The following PARD3B variants were observed in gnomAD, a reference collection of about 807,000 sequenced individuals.
The protein encoded by PARD3B is partitioning defective 3 homolog B.
PARD3B carries 103 observed loss-of-function variants against 130.2 expected under a neutral mutation model. The observed-to-expected ratio is 0.79, with a 90% CI of 0.67 to 0.93. The LOEUF (loss-of-function observed/expected upper bound fraction) is 0.93, where lower values mean the gene tolerates loss of function less well. PARD3B is among the 40% of genes least tolerant of loss of function. PARD3B has a pLI of 0.00. For missense variants in PARD3B, 1,609 were observed against 1,499.2 expected (o/e 1.07, Z -1.21); for synonymous variants, 583 against 553.2 (o/e 1.05, Z -0.76).
At chr2:205,533,977 C>T (rs2051721491) in intron 21 of PARD3B, among the ~76,000 whole-genome samples, 1 of 150,810 alleles carries the variant, frequency 6.6e-6, no homozygotes, top group Non-Finnish European at 1.5e-5. Flanking sequence ...TTTACAAAGA[C>T]TTCCCATTCT....
intron 21 of PARD3B, among the ~76,000 whole-genome samples, chr2:205,501,695 A>G (rs778137142): frequency 2.0e-4 from 30 of 152,344 alleles, no homozygotes; most frequent in Middle Eastern, 3.4e-3. Context: ...TAGACAAAGT[A>G]GTCCTGGTTG....
chr2:204,771,383 C>G (rs1017946958), intron 2 of PARD3B, among the ~76,000 whole-genome samples: 4 of 151,914 alleles, frequency 2.6e-5, no homozygotes, highest in Non-Finnish European at 5.9e-5. Context: ...TTTCAGGGAG[C>G]CTTGGTCCTT....
In PARD3B at chr2:204,766,807, C is replaced by CAAAAA. The variant is rs57504030; in HGVS notation, c.222+80533_222+80537dup. 2.8e-3 allele frequency among the ~76,000 whole-genome samples: 403 copies of CAAAAA among 141,820 alleles called. 2 individuals carry two copies. Among genetic ancestry groups the CAAAAA allele is most frequent in the African/African-American group, 0.011 (395 of 37,608 alleles). 93.0% of individuals were successfully genotyped at this position (141,820 alleles called of 152,430 possible). On this transcript the variant is annotated intron_variant, in intron 2 of 22. Transcript: ENST00000406610. ...AGTTGAAATATGCCCTTTTGTAAAT[C>CAAAAA]AAAAAAAAAAAACAAAAGCAAACAT...
In PARD3B at chr2:205,401,038, G is replaced by C; in HGVS notation, c.2656G>C (p.Gly886Arg). The change falls in exon 19 of 23, where the codon GGT becomes CGT. Residue 886 changes from glycine to arginine, a missense_variant. Coordinates refer to ENST00000406610, the MANE Select transcript of PARD3B (RefSeq NM_001302769.2). ...LRFGKKKEDK[G>R]GKAEQKGTLK... ...ATTTGGAAAGAAGAAAGAGGATAAG[G>C]GTGGAAAGGCTGAGCAGAAAGGTAC... The C allele has an allele frequency of 6.2e-7, 1 of 1,601,484 alleles. No individual in the cohort carries two copies. Among genetic ancestry groups the C allele is most frequent in the Non-Finnish European group, 8.5e-7 (1 of 1,173,908 alleles).
chr2:205,365,606 C>G (rs1319389219), intron 18 of PARD3B, among the ~76,000 whole-genome samples: 1 of 122,860 alleles, frequency 8.1e-6, no homozygotes, highest in African/African-American at 3.1e-5. Context: ...AGATTATTTA[C>G]AAAGAAAAAC....
chr2:205,191,310 A>C (rs1418820322), intron 14 of PARD3B, among the ~76,000 whole-genome samples: 2 of 152,198 alleles, frequency 1.3e-5, no homozygotes, highest in Admixed American at 6.5e-5. Flanking sequence ...TCTTACAAAA[A>C]TTTTAAAGAG....
chr2:205,256,112 A>G (rs1356148718), intron 16 of PARD3B, among the ~76,000 whole-genome samples: 1 of 152,096 alleles, frequency 6.6e-6, no homozygotes, highest in African/African-American at 2.4e-5. Flanking sequence ...GCTGAGTGTC[A>G]GGAAATGAGA....
chr2:204,964,522 A>G (rs1009138041), intron 2 of PARD3B, among the ~76,000 whole-genome samples: 2 of 152,234 alleles, frequency 1.3e-5, no homozygotes, highest in Non-Finnish European at 2.9e-5. Context: ...TTAGCATTCC[A>G]TTGGACTTAA....
intron 1 of PARD3B, among the ~76,000 whole-genome samples, chr2:204,641,081 CTATAT>C (rs1299853339): frequency 2.7e-5 from 4 of 147,228 alleles, no homozygotes; most frequent in Non-Finnish European, 4.5e-5. Flanking sequence ...TTGTATATTA[CTATAT>C]TATATGTACA....
intron 1 of PARD3B, among the ~76,000 whole-genome samples, chr2:204,596,657 G>A (rs899683100): frequency 1.3e-5 from 2 of 152,228 alleles, no homozygotes; most frequent in Admixed American, 6.5e-5. Context: ...GGCCAGGCGC[G>A]GTGGCTCATG....
intron 20 of PARD3B, among the ~76,000 whole-genome samples, chr2:205,444,281 C>A (rs1487873186): frequency 1.3e-5 from 2 of 152,140 alleles, no homozygotes; most frequent in Non-Finnish European, 2.9e-5. Context: ...CCATACCCGG[C>A]CTCTACAAAA....
chr2:205,439,574 G>C (rs2047640070), intron 19 of PARD3B, among the ~76,000 whole-genome samples: 1 of 152,188 alleles, frequency 6.6e-6, no homozygotes, highest in Non-Finnish European at 1.5e-5. Flanking sequence ...ATCCACCTAA[G>C]TATATTTTTC....
rs2052569001 is a variant in PARD3B, at chr2:205,550,490, C to A, written c.3181-2834C>A. ...GACAGAATAATTTCTTATGTGCAAG[C>A]TTGCTGCCTATCTTTTGAAGACTGG... On this transcript the variant is annotated intron_variant, in intron 21 of 22. Transcript: ENST00000406610. The surrounding 1 kb of genome is among the most constrained non-coding windows in gnomAD (Gnocchi z 4.5). Among the ~76,000 whole-genome samples the A allele has an allele frequency of 6.6e-6, 1 of 152,264 alleles. No individual in the cohort carries two copies. Among genetic ancestry groups the A allele is most frequent in the Middle Eastern group, 3.4e-3 (1 of 294 alleles).
chr2:205,406,762 C>T (rs568184491), intron 19 of PARD3B, among the ~76,000 whole-genome samples: 302 of 150,992 alleles, frequency 2.0e-3, no homozygotes, highest in Middle Eastern at 6.8e-3. Flanking sequence ...CCTCCACCTC[C>T]CAGGTTCAAG....
chr2:205,211,748 A>C (rs1242182152), intron 15 of PARD3B, among the ~76,000 whole-genome samples: 1 of 152,096 alleles, frequency 6.6e-6, no homozygotes, highest in Admixed American at 6.6e-5. Flanking sequence ...GAAACTGACT[A>C]ATCAAGACTG....
At chr2:205,180,180 T>C (rs2035709220) in intron 13 of PARD3B, among the ~76,000 whole-genome samples, 2 of 151,200 alleles carry the variant, frequency 1.3e-5, no homozygotes, top group African/African-American at 4.9e-5. Flanking sequence ...ATTTTCTTTG[T>C]GGATCTGTGC....
chr2:205,306,914 T>G (rs2042205558), intron 18 of PARD3B, among the ~76,000 whole-genome samples: 1 of 152,230 alleles, frequency 6.6e-6, no homozygotes, highest in Non-Finnish European at 1.5e-5. Flanking sequence ...AAAAAAAGAT[T>G]GATTGCTTTA....
chr2:205,255,091 T>G (rs1320119571), intron 16 of PARD3B, among the ~76,000 whole-genome samples: 1 of 152,046 alleles, frequency 6.6e-6, no homozygotes, highest in Non-Finnish European at 1.5e-5. Flanking sequence ...TAGTCACAGT[T>G]ACTCTCTGAC....
chr2:204,853,696 T>G (rs2044802851), intron 2 of PARD3B, among the ~76,000 whole-genome samples: 1 of 152,202 alleles, frequency 6.6e-6, no homozygotes, highest in East Asian at 1.9e-4. Context: ...TCCCCACAGA[T>G]ATTAACTGAG....
Sources: allele counts gnomAD v4.1 joint callset (sites outside exome capture counted in the v4.1 genomes callset), GRCh38; gene constraint gnomAD v4.1.1; non-coding constraint Gnocchi (gnomAD v3.1); transcripts MANE v1.5; gene names NCBI Gene and HGNC (gene_info 2026-07-23, HGNC 2026-07-21).